Variants in CCPG1 observed in about 807,000 individuals in gnomAD.
CCPG1 encodes the protein cell cycle progression 1.
In CCPG1, 46 loss-of-function variants were observed where a neutral mutation model predicts 81.3. That is an observed-to-expected ratio of 0.57 (90% CI 0.45 to 0.72). The LOEUF is 0.72. CCPG1 is among the 30% of genes least tolerant of loss of function. The probability of loss-of-function intolerance (pLI) is 0.00; values close to 1 mark genes in which losing one functional copy is unlikely to be tolerated. For synonymous variants in CCPG1, 330 were observed against 305.2 expected, an observed-to-expected ratio of 1.08 and a Z score of -0.85; for missense variants, 902 against 937.6, an observed-to-expected ratio of 0.96 and a Z score of 0.50.
At chr15:55,391,869 C>CT (rs1266980564) in intron 1 of CCPG1, among the ~76,000 whole-genome samples, 1 of 84,016 alleles carries the variant, frequency 1.2e-5, no homozygotes, top group Non-Finnish European at 2.2e-5. Flanking sequence ...AACCTTGACT[C>CT]TTTAAAAAAA....
rs1042025425 is a variant in CCPG1 at position 55,361,066 on chromosome 15, G to A, written c.829-122C>T. ...TTTACTTCTACAGATACAACCCCCC[G>A]GGTAGTATTTTCAATAGTATAAACA... On this transcript the variant is annotated intron_variant, in intron 7 of 8. Transcript: ENST00000442196. 97 of 1,081,058 alleles carry A rather than the reference G, an allele frequency of 9.0e-5. No homozygotes were observed. The Admixed American group carries it at 1.2e-3, about 13-fold the overall frequency. The allele number at this position is 1,081,058 out of a possible 1,614,324, so 67.0% of individuals were successfully genotyped here.
intron 1 of CCPG1, among the ~76,000 whole-genome samples, chr15:55,400,612 T>C (rs935557989): frequency 1.3e-5 from 2 of 152,124 alleles, no homozygotes; most frequent in Admixed American, 6.6e-5. Context: ...GCTAAATTGC[T>C]CTCCCAAAGG....
chr15:55,403,447 A>G (rs1325181166), intron 1 of CCPG1, among the ~76,000 whole-genome samples: 1 of 152,194 alleles, frequency 6.6e-6, no homozygotes, highest in African/African-American at 2.4e-5. Flanking sequence ...ATGACAGAAA[A>G]AAATACTTAA....
At chr15:55,362,025 AAGTC>A (rs369546921) in intron 7 of CCPG1, among the ~76,000 whole-genome samples, 174 of 152,314 alleles carry the variant, frequency 1.1e-3, no homozygotes, top group South Asian at 2.5e-3. Context: ...CTATAACTGA[AAGTC>A]AGCACCCGTG....
At chr15:55,383,992 GCTAA>G (rs771856301) in intron 3 of CCPG1, among the ~76,000 whole-genome samples, 65 of 152,162 alleles carry the variant, frequency 4.3e-4, no homozygotes, top group Non-Finnish European at 8.2e-4. Flanking sequence ...TCACAACTTG[GCTAA>G]CTATCTGGCC....
rs2141233462 is a variant in CCPG1, at chr15:55,355,700, A to C, written c.*520T>G. On this transcript the variant is annotated 3_prime_UTR_variant, in exon 9 of 9. Transcript: ENST00000442196. ...GATATTCAGATGTGCAAAAAATTTC[A>C]CAAGAAAACAAGTCAGCAAGCTCTT... The C allele has an allele frequency of 3.7e-6, 1 of 271,548 alleles. No homozygotes were observed. Among genetic ancestry groups the C allele is most frequent in the East Asian group, 7.3e-5 (1 of 13,636 alleles). 16.8% of individuals were successfully genotyped at this position (271,548 alleles called of 1,614,324 possible).
At chr15:55,395,990 C>A (rs1031527968) in intron 1 of CCPG1, among the ~76,000 whole-genome samples, 1 of 152,010 alleles carries the variant, frequency 6.6e-6, no homozygotes, top group African/African-American at 2.4e-5. Context: ...CCCATCTCTA[C>A]TAAAAATACA....
chr15:55,360,510 T>C lies in CCPG1; in HGVS notation c.1263A>G (p.Lys421=), dbSNP rs2056169521. ...KSDSPNVYTE[K]KEIAILRERL... ...TTTCCCGTAAGATTGCTATTTCCTTTTTTTCAGTATATACATTGGGAGAAT... is the reference window on the plus strand; with the variant it reads ...TTTCCCGTAAGATTGCTATTTCCTTCTTTTCAGTATATACATTGGGAGAAT... The change falls in exon 8 of 9, where the codon AAA becomes AAG. Residue 421 remains lysine, a synonymous_variant. Coordinates refer to ENST00000442196, the MANE Select transcript of CCPG1 (RefSeq NM_001204450.2). The C allele has an allele frequency of 6.2e-7, 1 of 1,614,036 alleles. No individual in the cohort carries two copies. The highest frequency in any genetic ancestry group is 1.3e-5 in the African/African-American group (1 of 74,908).
At chr15:55,390,039 T>C (rs2056883501) in intron 1 of CCPG1, among the ~76,000 whole-genome samples, 1 of 152,206 alleles carries the variant, frequency 6.6e-6, no homozygotes, top group African/African-American at 2.4e-5. Flanking sequence ...TTCTCCTGCC[T>C]CAGCCTCCCG....
At chr15:55,400,228 A>AAAAAAT (rs2057102632) in intron 1 of CCPG1, among the ~76,000 whole-genome samples, 1 of 146,490 alleles carries the variant, frequency 6.8e-6, no homozygotes, top group African/African-American at 2.5e-5. Context: ...AAAAAAAAAA[A>AAAAAAT]GGCCAGGGGT....
intron 3 of CCPG1, among the ~76,000 whole-genome samples, chr15:55,382,608 C>G (rs538650796): frequency 1.3e-5 from 2 of 151,286 alleles, no homozygotes; most frequent in Non-Finnish European, 2.9e-5. Flanking sequence ...CTCCCAGGTT[C>G]ACGCCATTCT....
In CCPG1 at chr15:55,355,886, T is replaced by C; in HGVS notation, c.*334A>G. On this transcript the variant is annotated 3_prime_UTR_variant, in exon 9 of 9. Transcript: ENST00000442196. ...ACACAAACATCAGTGTTAATTACAC[T>C]TTGTCATGTATGACTGAGCTTGCTT... The C allele has an allele frequency of 3.3e-6, 1 of 299,910 alleles. No individual in the cohort carries two copies. The highest frequency in any genetic ancestry group is 6.1e-6 in the Non-Finnish European group (1 of 164,044). 18.6% of individuals were successfully genotyped at this position (299,910 alleles called of 1,614,324 possible).
chr15:55,398,587 A>T (rs1595865940), intron 1 of CCPG1, among the ~76,000 whole-genome samples: 1 of 151,202 alleles, frequency 6.6e-6, no homozygotes, highest in African/African-American at 2.4e-5. Context: ...ACTAATGAAA[A>T]CTTTTTTTTT....
chr15:55,387,618 C>A (rs2056826337), intron 2 of CCPG1, among the ~76,000 whole-genome samples: 2 of 151,688 alleles, frequency 1.3e-5, no homozygotes, highest in African/African-American at 2.4e-5. Context: ...GAACTCTGCT[C>A]ACCGCAACCT....
chr15:55,406,824 C>T (rs960624568), intron 1 of CCPG1, among the ~76,000 whole-genome samples: 4 of 152,300 alleles, frequency 2.6e-5, no homozygotes, highest in African/African-American at 9.6e-5. Context: ...CTGTTTTCAT[C>T]TAAGAAGGAG....
intron 6 of CCPG1, 143 bp downstream of exon 6, chr15:55,371,650 G>A: frequency 1.3e-6 from 1 of 747,472 alleles, no homozygotes; most frequent in Non-Finnish European, 2.1e-6. Flanking sequence ...TCCCGAATGA[G>A]AAAACTGAGG....
chr15:55,359,955 A>G lies in CCPG1; in HGVS notation c.1818T>C (p.Asn606=). Residue 606 remains asparagine (N), a synonymous_variant, in exon 8 of 9, where the codon AAT becomes AAC. Transcript: ENST00000442196. ...CAGGACTGCATTTCTTTGAATTTGTATTTTTTCTGAATTCTTTAAAGTGAA... is the reference window on the plus strand; with the variant it reads ...CAGGACTGCATTTCTTTGAATTTGTGTTTTTTCTGAATTCTTTAAAGTGAA... The part of the protein sequence containing the change: ...KPVHFKEFRK[N]TNSKKCSPGH... 6.2e-7 allele frequency: 1 copy of G among 1,612,894 alleles called. No individual in the cohort carries two copies. Among genetic ancestry groups the G allele is most frequent in the Non-Finnish European group, 8.5e-7 (1 of 1,179,764 alleles).
intron 6 of CCPG1, among the ~76,000 whole-genome samples, chr15:55,366,861 C>T (rs766304121): frequency 6.6e-6 from 1 of 152,060 alleles, no homozygotes; most frequent in Admixed American, 6.6e-5. Flanking sequence ...TATTCACATG[C>T]GTCATGTATG....
chr15:55,357,923 T>G (rs1443616915), intron 8 of CCPG1: 1 of 152,240 alleles, frequency 6.6e-6, no homozygotes, highest in Non-Finnish European at 1.5e-5. Flanking sequence ...AATAATGCAG[T>G]TCTGCTCCAT....
Sources: allele counts gnomAD v4.1 joint callset (sites outside exome capture counted in the v4.1 genomes callset), GRCh38; gene constraint gnomAD v4.1.1; transcripts MANE v1.5; gene names NCBI Gene and HGNC (gene_info 2026-07-23, HGNC 2026-07-21).